The following CTNNA2 variants were observed in gnomAD, a reference collection of about 807,000 sequenced individuals.
The protein encoded by CTNNA2 is catenin alpha 2, also known as catenin alpha-2.
A neutral mutation model predicts 101.0 loss-of-function variants in CTNNA2; 42 were observed. The ratio of observed to expected loss-of-function variants is 0.42; its 90% CI spans 0.32 to 0.54. The LOEUF (loss-of-function observed/expected upper bound fraction) is 0.54, where lower values mean the gene tolerates loss of function less well. Ranked by LOEUF, CTNNA2 falls within the 20% of genes least tolerant of loss-of-function variation. The pLI is 0.14. For missense variants in CTNNA2, 871 were observed against 1,223.1 expected (o/e 0.71, Z 4.29); for synonymous variants, 450 against 456.4 (o/e 0.99, Z 0.18).
intron 7 of CTNNA2, among the ~76,000 whole-genome samples, chr2:80,356,146 T>G (rs1673773602): frequency 6.6e-6 from 1 of 152,192 alleles, no homozygotes; most frequent in African/African-American, 2.4e-5. Context: ...ACATGCCTGC[T>G]GGGCCTGATT....
intron 2 of CTNNA2, among the ~76,000 whole-genome samples, chr2:79,695,120 T>A (rs1204316031): frequency 2.6e-5 from 4 of 151,692 alleles, no homozygotes; most frequent in Non-Finnish European, 5.9e-5. Flanking sequence ...CTAAGAAGAT[T>A]TAGAATTTTA....
chr2:80,483,828 A>G (rs540804367), intron 9 of CTNNA2, among the ~76,000 whole-genome samples: 1 of 152,290 alleles, frequency 6.6e-6, no homozygotes, highest in South Asian at 2.1e-4. Context: ...GTGCTGAAGA[A>G]TGAATAGTGA....
chr2:80,133,768 T>C (rs1399336051), intron 7 of CTNNA2, among the ~76,000 whole-genome samples: 1 of 152,204 alleles, frequency 6.6e-6, no homozygotes, highest in African/African-American at 2.4e-5. Context: ...ACTACATAAT[T>C]TTCTCTATAT....
At chr2:79,644,031 TTTTTGTTTTG>T (rs1003810233) in intron 1 of CTNNA2, among the ~76,000 whole-genome samples, 2 of 152,034 alleles carry the variant, frequency 1.3e-5, no homozygotes, top group Admixed American at 6.6e-5. Flanking sequence ...AAAGATCTGA[TTTTTGTTTTG>T]TTTTGTTTTG....
Position 80,237,550 on chromosome 2 carries a change from T to G in CTNNA2, c.1057-155661T>G, listed in dbSNP as rs544263949. ...GTAGTAGGAGAGGTACTCTTGTTCC[T>G]TTTTTGTTACCATTGTTAACTCCAA... On this transcript the variant is annotated intron_variant, in intron 7 of 18. Coordinates refer to ENST00000402739, the MANE Select transcript of CTNNA2 (RefSeq NM_001282597.3). 1.9e-4 allele frequency among the ~76,000 whole-genome samples: 29 copies of G among 152,308 alleles called. 1 individual carries two copies. The South Asian group carries it at 2.1e-3, about 11-fold the overall frequency.
intron 2 of CTNNA2, among the ~76,000 whole-genome samples, chr2:79,290,285 A>G (rs1558607044): frequency 6.6e-6 from 1 of 152,174 alleles, no homozygotes; most frequent in African/African-American, 2.4e-5. Flanking sequence ...TTGGTTACTG[A>G]TCAAATACAG....
chr2:80,383,135 G>T (rs546533122), intron 7 of CTNNA2, among the ~76,000 whole-genome samples: 8 of 152,264 alleles, frequency 5.3e-5, no homozygotes, highest in Admixed American at 4.6e-4. Flanking sequence ...TGTCTTTTAT[G>T]CAGGGTTGCC....
chr2:80,382,750 A>G (rs1474376825), intron 7 of CTNNA2, among the ~76,000 whole-genome samples: 2 of 152,340 alleles, frequency 1.3e-5, no homozygotes, highest in South Asian at 2.1e-4. Context: ...ATTCTCAGCA[A>G]TGTGGACCCA....
intron 4 of CTNNA2, among the ~76,000 whole-genome samples, chr2:79,488,736 C>A (rs1022395593): frequency 6.6e-6 from 1 of 152,146 alleles, no homozygotes; most frequent in Non-Finnish European, 1.5e-5. Flanking sequence ...TTTAATCCTG[C>A]ACAAATTCTA....
chr2:79,664,301 C>A (rs1219819304), intron 2 of CTNNA2, among the ~76,000 whole-genome samples: 2 of 152,150 alleles, frequency 1.3e-5, no homozygotes, highest in Admixed American at 6.6e-5. Flanking sequence ...ATGAAACCTT[C>A]ATTTTTAATT....
At chr2:80,300,871 T>A (rs1676225615) in intron 7 of CTNNA2, among the ~76,000 whole-genome samples, 2 of 151,734 alleles carry the variant, frequency 1.3e-5, no homozygotes, top group Admixed American at 6.6e-5. Context: ...ACTCTTTAGT[T>A]CAATAGAAAC....
In CTNNA2 at chr2:80,528,642, A is replaced by T. The variant is rs560582820; in HGVS notation, c.1291-16340A>T. On this transcript the variant is annotated intron_variant, in intron 9 of 18. Transcript: ENST00000402739. ...CACTTCAGGCATGATCATGAATCTC[A>T]TGGGTTCTACCACATAGAAGGTGCA... Among the ~76,000 whole-genome samples the T allele has an allele frequency of 1.1e-4, 16 of 152,208 alleles. No individual in the cohort carries two copies. In the East Asian group the frequency reaches 3.1e-3, roughly 29 times the overall value.
At chr2:79,480,843 G>A (rs1157554537) in intron 4 of CTNNA2, among the ~76,000 whole-genome samples, 2 of 151,928 alleles carry the variant, frequency 1.3e-5, no homozygotes, top group Non-Finnish European at 1.5e-5. Context: ...TCCGTGGTTT[G>A]CATCATTAAT....
At chr2:79,606,656 C>A (rs1215913920) in intron 1 of CTNNA2, among the ~76,000 whole-genome samples, 3 of 152,000 alleles carry the variant, frequency 2.0e-5, no homozygotes, top group Non-Finnish European at 4.4e-5. Context: ...TTGAATAAGT[C>A]CATAAGAATA....
At chr2:80,481,848 A>G (rs59716473) in intron 9 of CTNNA2, among the ~76,000 whole-genome samples, 66,523 of 151,868 alleles carry the variant, frequency 0.44, 17,122 homozygotes, top group African/African-American at 0.69. Flanking sequence ...AAAAAAAATG[A>G]TACTATAAAG....
intron 2 of CTNNA2, among the ~76,000 whole-genome samples, chr2:79,679,651 G>A (rs188996372): frequency 3.8e-4 from 58 of 152,162 alleles, no homozygotes; most frequent in African/African-American, 1.1e-3. Flanking sequence ...TAGGGTGAAC[G>A]TTTGTCGCAT....
At chr2:79,471,343 G>T (rs1400564475) in intron 4 of CTNNA2, among the ~76,000 whole-genome samples, 2 of 152,134 alleles carry the variant, frequency 1.3e-5, no homozygotes, top group Admixed American at 1.3e-4. Context: ...AGTTCTAGAG[G>T]CTGGACAACC....
Position 79,472,683 on chromosome 2 carries a change from G to A in CTNNA2, c.-134-32371G>A, listed in dbSNP as rs562355675. Among the ~76,000 whole-genome samples the A allele has an allele frequency of 3.2e-3, 485 of 152,168 alleles. 2 individuals are homozygous for A. Among genetic ancestry groups the A allele is most frequent in the Non-Finnish European group, 5.3e-3 (362 of 68,004 alleles). ...AATCTCCTTATCAAACTGTCAATTG[G>A]CTGCACCCTTACTGTTCTCTTCCAA... is the stretch of plus-strand genomic sequence containing the variant. On this transcript the variant is annotated intron_variant, in intron 4 of 21. Transcript: ENST00000466387.
At chr2:79,402,358 C>T (rs982801429) in intron 4 of CTNNA2, among the ~76,000 whole-genome samples, 4 of 151,822 alleles carry the variant, frequency 2.6e-5, no homozygotes, top group African/African-American at 7.2e-5. Flanking sequence ...CTGCAAAATA[C>T]GCAATAGTCC....
Sources: gnomAD v4.1 joint callset for allele counts (sites outside exome capture counted in the v4.1 genomes callset) on GRCh38, gnomAD v4.1.1 for gene constraint, MANE v1.5 for transcripts, NCBI Gene and HGNC (gene_info 2026-07-23, HGNC 2026-07-21) for gene names.